The following PPP6R3 variants were observed in gnomAD, a reference collection of about 807,000 sequenced individuals.
PPP6R3 encodes protein phosphatase 6 regulatory subunit 3, also known as serine/threonine-protein phosphatase 6 regulatory subunit 3.
Under a neutral mutation model 110.7 loss-of-function variants are expected in PPP6R3, and 38 were observed. The ratio of observed to expected loss-of-function variants is 0.34; its 90% CI spans 0.26 to 0.45. The LOEUF is 0.45. Among genes scored for constraint, PPP6R3 ranks in the 20% least tolerant of loss-of-function variants. PPP6R3 has a pLI of 1.00. For missense variants in PPP6R3, 870 were observed against 1,062.4 expected (o/e 0.82, Z 2.52); for synonymous variants, 369 against 373.5 (o/e 0.99, Z 0.14).
At chr11:68,570,316 G>A (rs1306268911) in intron 11 of PPP6R3, among the ~76,000 whole-genome samples, 3 of 152,096 alleles carry the variant, frequency 2.0e-5, no homozygotes, top group Non-Finnish European at 2.9e-5. Context: ...GTCTTCCTGG[G>A]GTCTCTTTTT....
chr11:68,488,997 A>G (rs925606081), intron 1 of PPP6R3, among the ~76,000 whole-genome samples: 6 of 149,142 alleles, frequency 4.0e-5, no homozygotes, highest in Admixed American at 4.0e-4. Context: ...TATCTGTGAT[A>G]TTTATTGCTG....
chr11:68,599,224 T>C (rs1183350980), intron 19 of PPP6R3, among the ~76,000 whole-genome samples: 1 of 152,218 alleles, frequency 6.6e-6, no homozygotes, highest in Non-Finnish European at 1.5e-5. Flanking sequence ...AATGCAGTGG[T>C]TCCCACATCT....
At chr11:68,529,507 G>A (rs768254598) in intron 2 of PPP6R3, among the ~76,000 whole-genome samples, 6 of 152,178 alleles carry the variant, frequency 3.9e-5, no homozygotes, top group African/African-American at 7.2e-5. Context: ...GTGAGCCACC[G>A]CGCCCAGCCG....
At position 68,501,339 on chromosome 11, in the gene PPP6R3, T is replaced by C. The variant is rs145150776; in HGVS notation, c.-157-18162T>C. On this transcript the variant is annotated intron_variant, in intron 1 of 23. Transcript: ENST00000393800. ...TGAAGAAGTAGACAAATTATTAGTA[T>C]TATTTTGAGACAGGGTCTCACTCTG... Among the ~76,000 whole-genome samples, 605 of 152,350 alleles carry C rather than the reference T, an allele frequency of 4.0e-3. 4 individuals are homozygous for C. The highest frequency in any genetic ancestry group is 0.013 in the African/African-American group (557 of 41,574).
Position 68,613,492 on chromosome 11 carries a change from A to G in PPP6R3, c.*375A>G. The G allele has an allele frequency of 1.2e-5, 12 of 994,030 alleles. No individual in the cohort carries two copies. Among genetic ancestry groups the G allele is most frequent in the Non-Finnish European group, 1.4e-5 (12 of 835,542 alleles). 61.6% of individuals were successfully genotyped at this position (994,030 alleles called of 1,614,324 possible). ...TTGTATTTGAAACATAACTTTGACA[A>G]TTATTAGTGTGACCAAAGTATTAGG... On this transcript the variant is annotated 3_prime_UTR_variant, in exon 24 of 24. Coordinates refer to ENST00000393800, the MANE Select transcript of PPP6R3 (RefSeq NM_001164161.2).
At chr11:68,545,148 T>G in intron 4 of PPP6R3, 124 bp downstream of exon 4, 1 of 638,192 alleles carries the variant, frequency 1.6e-6, no homozygotes, top group Non-Finnish European at 2.5e-6. Context: ...GAGAATGTAT[T>G]TTAAACCTTA....
intron 14 of PPP6R3, among the ~76,000 whole-genome samples, chr11:68,576,647 T>C (rs1286971929): frequency 6.6e-6 from 1 of 152,248 alleles, no homozygotes; most frequent in African/African-American, 2.4e-5. Context: ...AAGGTAAGTA[T>C]TGCTTTTTTC....
At chr11:68,558,711 C>T (rs753169607) in intron 8 of PPP6R3, 32 bp downstream of exon 8, 1 of 1,504,820 alleles carries the variant, frequency 6.6e-7, no homozygotes, top group Non-Finnish European at 9.2e-7. Context: ...CAAAATGAAC[C>T]ATGTTGTTTT....
intron 14 of PPP6R3, among the ~76,000 whole-genome samples, chr11:68,579,142 G>A (rs543792639): frequency 6.6e-6 from 1 of 152,334 alleles, no homozygotes; most frequent in Admixed American, 6.5e-5. Flanking sequence ...GTTTCCGCAG[G>A]TTGGGGTGAA....
chr11:68,497,680 T>C (rs2099025895), intron 1 of PPP6R3, among the ~76,000 whole-genome samples: 1 of 152,224 alleles, frequency 6.6e-6, no homozygotes, highest in African/African-American at 2.4e-5. Context: ...TTATCAGAAA[T>C]ATGATTTGTC....
intron 14 of PPP6R3, 45 bp downstream of exon 14, chr11:68,576,088 C>A: frequency 7.3e-7 from 1 of 1,373,156 alleles, no homozygotes; most frequent in African/African-American, 1.5e-5. Context: ...GTGCTCTTAG[C>A]CTTTGCCCAT....
intron 2 of PPP6R3, among the ~76,000 whole-genome samples, chr11:68,520,933 G>A (rs1365491393): frequency 3.3e-5 from 5 of 152,070 alleles, no homozygotes; most frequent in African/African-American, 7.2e-5. Context: ...CACCACGCCC[G>A]GCTAATTTTT....
At chr11:68,492,275 A>G (rs142550360) in intron 1 of PPP6R3, among the ~76,000 whole-genome samples, 5 of 151,832 alleles carry the variant, frequency 3.3e-5, no homozygotes, top group East Asian at 3.9e-4. Flanking sequence ...TCCCACCTCA[A>G]CCTCCCTAGT....
At chr11:68,608,243 G>GAAA (rs1236783050) in intron 22 of PPP6R3, among the ~76,000 whole-genome samples, 2 of 152,062 alleles carry the variant, frequency 1.3e-5, no homozygotes, top group African/African-American at 4.8e-5. Flanking sequence ...GTAAGAAGAA[G>GAAA]AAAACCCAAA....
In PPP6R3 at chr11:68,576,042, T is replaced by C. The variant is rs897821545; in HGVS notation, c.1544T>C (p.Leu515Pro). ...GETNKRNTVD[L>P]VTTCHIHSSS... ...ACTAACAAGAGGAACACGGTAGATC[T>C]AGTAGGTTTTACAAGGTTACATTTT... The change falls in exon 14 of 24, where the codon CTA becomes CCA. Residue 515 changes from leucine to proline, a missense_variant and splice_region_variant. Transcript: ENST00000393800. The C allele has an allele frequency of 5.6e-6, 9 of 1,594,152 alleles. No individual in the cohort carries two copies. The highest frequency in any genetic ancestry group is 1.7e-5 in the Admixed American group (1 of 59,264).
At chr11:68,537,527 C>T in intron 2 of PPP6R3, 132 bp from the exon 3 acceptor site, 1 of 594,634 alleles carries the variant, frequency 1.7e-6, no homozygotes, top group Non-Finnish European at 2.9e-6. Flanking sequence ...TTTATAGGTT[C>T]AGTGTGAAGC....
chr11:68,514,851 C>G (rs1185972481), intron 1 of PPP6R3, among the ~76,000 whole-genome samples: 1 of 152,252 alleles, frequency 6.6e-6, no homozygotes, highest in Admixed American at 6.5e-5. Flanking sequence ...TCCCAAAGTG[C>G]TGGGATTACA....
chr11:68,466,913 A>G (rs1263129271), intron 1 of PPP6R3, among the ~76,000 whole-genome samples: 1 of 102,236 alleles, frequency 9.8e-6, no homozygotes, highest in South Asian at 3.0e-4. Context: ...GCGCCTGGCC[A>G]TTTTTTGTAT....
intron 3 of PPP6R3, among the ~76,000 whole-genome samples, chr11:68,544,110 G>A (rs1166296474): frequency 1.3e-5 from 2 of 152,082 alleles, no homozygotes; most frequent in Non-Finnish European, 2.9e-5. Flanking sequence ...GTTTTGTTTT[G>A]GTTTTGACAC....
Sources: allele counts gnomAD v4.1 joint callset (sites outside exome capture counted in the v4.1 genomes callset), GRCh38; gene constraint gnomAD v4.1.1; transcripts MANE v1.5; gene names NCBI Gene and HGNC (gene_info 2026-07-23, HGNC 2026-07-21).